PWWP3A: variants seen among roughly 807,000 people sequenced by gnomAD.
The protein encoded by PWWP3A is PWWP domain-containing DNA repair factor 3A.
Under a neutral mutation model 79.0 loss-of-function variants are expected in PWWP3A, and 53 were observed. The observed-to-expected ratio is 0.67, with a 90% CI of 0.54 to 0.84. The LOEUF (loss-of-function observed/expected upper bound fraction) is 0.84, where lower values mean the gene tolerates loss of function less well. Among genes scored for constraint, PWWP3A ranks in the 40% least tolerant of loss-of-function variants. The pLI, the probability that PWWP3A is intolerant of heterozygous loss-of-function variation, is 0.00. For missense variants in PWWP3A, 973 were observed against 948.0 expected (o/e 1.03, Z -0.35); for synonymous variants, 443 against 394.4 (o/e 1.12, Z -1.46).
intron 13 of PWWP3A, among the ~76,000 whole-genome samples, chr19:1,375,047 C>T (rs1224391089): frequency 6.6e-6 from 1 of 150,934 alleles, no homozygotes; most frequent in Non-Finnish European, 1.5e-5. Flanking sequence ...GGTGAAACCC[C>T]ATCTCTACTT....
At chr19:1,366,459 G>A in intron 8 of PWWP3A, 78 bp downstream of exon 8, 2 of 1,355,062 alleles carry the variant, frequency 1.5e-6, no homozygotes, top group Non-Finnish European at 1.1e-6. Flanking sequence ...GCGGGCGTGG[G>A]GATGGAGGGA....
chr19:1,360,983 G>A lies in PWWP3A; in HGVS notation c.1062G>A (p.Ala354=), dbSNP rs774358878. The part of the protein sequence containing the change: ...RLGPPPSHAS[A]DATRCLPCPD... ...GCCCGCCTCCCTCCCACGCCTCTGC[G>A]GATGCAACCAGATGTCTTCCTTGCC... The change falls in exon 5 of 14, where the codon GCG becomes GCA. Residue 354 remains alanine, a synonymous_variant. Coordinates refer to ENST00000591337, the MANE Select transcript of PWWP3A (RefSeq NM_001369789.1). This position sits in a 1 kb window ranked among gnomAD's most constrained non-coding sequence, Gnocchi z 4.4. The A allele has an allele frequency of 8.3e-6, 12 of 1,453,114 alleles. No homozygotes were observed. The highest frequency in any genetic ancestry group is 2.9e-5 in the Admixed American group (1 of 33,960). 90.0% of individuals were successfully genotyped at this position (1,453,114 alleles called of 1,614,324 possible).
rs949592662 is a variant in PWWP3A at position 1,357,274 on chromosome 19, A to G, written c.143+180A>G. The G allele has an allele frequency of 2.2e-5, 12 of 542,998 alleles. No individual in the cohort carries two copies. In the East Asian group the frequency reaches 3.7e-4, roughly 17 times the overall value. 33.6% of individuals were successfully genotyped at this position (542,998 alleles called of 1,614,324 possible). A position where few individuals can be genotyped will look rare whatever the true frequency, so the allele number is the denominator to read the frequency against. On this transcript the variant is annotated intron_variant, in intron 3 of 13. Coordinates refer to ENST00000591337, the MANE Select transcript of PWWP3A (RefSeq NM_001369789.1). ...AAAGCAACTAGTTTGATTTTATGTC[A>G]GTTTGGAAGCTGAAGATCCAAACGA...
At position 1,371,085 on chromosome 19, in the gene PWWP3A, C is replaced by G. The variant is rs568284618; in HGVS notation, c.1986+7C>G. 4.5e-6 allele frequency: 7 copies of G among 1,554,100 alleles called. No homozygotes were observed. Among genetic ancestry groups the G allele is most frequent in the Non-Finnish European group, 6.1e-6 (7 of 1,148,546 alleles). Reference sequence around the variant, plus strand: ...GGACGTGCTTCTGCCCGAGGTGAGCCGCGGACCGGCGTGTCACGTGGGCAG... The same window carrying G: ...GGACGTGCTTCTGCCCGAGGTGAGCGGCGGACCGGCGTGTCACGTGGGCAG... On this transcript the variant is annotated splice_region_variant and intron_variant, in intron 12 of 13. Transcript: ENST00000591337.
At chr19:1,366,224 A>G in intron 7 of PWWP3A, 81 bp from the exon 8 acceptor site, 1 of 1,407,472 alleles carries the variant, frequency 7.1e-7, no homozygotes, top group Non-Finnish European at 1.0e-6. Flanking sequence ...TGTTAGATGT[A>G]TCATGTGATG....
intron 9 of PWWP3A, among the ~76,000 whole-genome samples, chr19:1,367,949 G>A (rs1405791739): frequency 1.3e-5 from 2 of 151,996 alleles, no homozygotes; most frequent in African/African-American, 4.8e-5. Flanking sequence ...TTTTGAGACG[G>A]AGTCTCACTC....
At position 1,369,668 on chromosome 19, in the gene PWWP3A, G is replaced by A. The variant is rs1476354391; in HGVS notation, c.1549+22G>A. On this transcript the variant is annotated intron_variant, in intron 11 of 13. Transcript: ENST00000591337. The surrounding 1 kb of genome is among the most constrained non-coding windows in gnomAD (Gnocchi z 4.0). ...ATAAGTAAGTCTACAGGCACATCTT[G>A]GAAAATGTGGTTTGCCTTTTAGCCC... The A allele has an allele frequency of 1.1e-5, 17 of 1,613,770 alleles. No homozygotes were observed. Among genetic ancestry groups the A allele is most frequent in the Non-Finnish European group, 1.1e-5 (13 of 1,179,604 alleles).
intron 8 of PWWP3A, among the ~76,000 whole-genome samples, chr19:1,366,774 T>C (rs2082138022): frequency 6.6e-6 from 1 of 152,250 alleles, no homozygotes; most frequent in Non-Finnish European, 1.5e-5. Context: ...TCCTTAGTCA[T>C]GGGATGAAAG....
rs1407550146 is a variant in PWWP3A, at chr19:1,360,502, C to T, written c.581C>T (p.Ala194Val). ...CCAAGAGGCCCGTTGGTCCTCCCAGCTGGAGGTGGTGCCCAAGATGAGAGT... is the reference window on the plus strand; with the variant it reads ...CCAAGAGGCCCGTTGGTCCTCCCAGTTGGAGGTGGTGCCCAAGATGAGAGT... ...ENPRGPLVLP[A>V]GGGAQDESGS... The change falls in exon 5 of 14, where the codon GCT becomes GTT. Residue 194 changes from alanine (A) to valine (V), a missense_variant. Coordinates refer to ENST00000591337, the MANE Select transcript of PWWP3A (RefSeq NM_001369789.1). This position sits in a 1 kb window ranked among gnomAD's most constrained non-coding sequence, Gnocchi z 4.4. 7 of 1,614,226 alleles carry T rather than the reference C, an allele frequency of 4.3e-6. No homozygotes were observed. Among genetic ancestry groups the T allele is most frequent in the Non-Finnish European group, 5.9e-6 (7 of 1,180,036 alleles).
intron 5 of PWWP3A, 63 bp downstream of exon 5, chr19:1,361,095 C>T (rs2082005479): frequency 2.2e-6 from 3 of 1,349,526 alleles, no homozygotes; most frequent in Non-Finnish European, 2.9e-6. Context: ...CGCAGCCAGA[C>T]TGGGAGCCAG....
rs955025655 is a variant in PWWP3A at position 1,370,903 on chromosome 19, C to G, written c.1811C>G (p.Thr604Ser). Reference sequence around the variant, plus strand: ...AGGAAGCCATCTCGCTGGCTGCAGACCTTCCTGAGCTCCAGCCAGTACGTG... The same window carrying G: ...AGGAAGCCATCTCGCTGGCTGCAGAGCTTCCTGAGCTCCAGCCAGTACGTG... ...KSRKPSRWLQTFLSSSQYVTC... is the reference protein window; with the variant it reads ...KSRKPSRWLQSFLSSSQYVTC... The change falls in exon 12 of 14, where the codon ACC becomes AGC. Residue 604 changes from threonine (T) to serine (S), a missense_variant. By Grantham distance (58) the Thr-to-Ser change is moderately conservative. Coordinates refer to ENST00000591337, the MANE Select transcript of PWWP3A (RefSeq NM_001369789.1). 1.3e-6 allele frequency: 2 copies of G among 1,555,418 alleles called. No individual in the cohort carries two copies. Among genetic ancestry groups the G allele is most frequent in the East Asian group, 2.4e-5 (1 of 41,396 alleles).
rs1409991493 is a variant in PWWP3A, at chr19:1,378,175, A to C, written c.*1599A>C. The C allele has an allele frequency of 6.6e-6, 1 of 151,890 alleles. No homozygotes were observed. Among genetic ancestry groups the C allele is most frequent in the South Asian group, 2.1e-4 (1 of 4,808 alleles). The allele number at this position is 151,890 out of a possible 1,614,324, so 9.4% of individuals were successfully genotyped here. ...CCCCCTGCTGGTCGCTGTTTCGGGG[A>C]CTCGGGGCGGCCAGTACCACCGCCT... On this transcript the variant is annotated 3_prime_UTR_variant, in exon 14 of 14. Transcript: ENST00000591337.
At chr19:1,366,190 ACCCCC>A in intron 7 of PWWP3A, 110 bp from the exon 8 acceptor site, 1 of 170,232 alleles carries the variant, frequency 5.9e-6, no homozygotes, top group Non-Finnish European at 9.4e-6. Flanking sequence ...CGCTGGGGTC[ACCCCC>A]AGAGCTGGGG....
In PWWP3A at chr19:1,368,588, C is replaced by G. The variant is rs372801356; in HGVS notation, c.1423-677C>G. ...AGTGGCCCTCGGCTCCAGAGTCTTC[C>G]CTGGGTCATTGTGTGATGGTCGTGG... On this transcript the variant is annotated intron_variant, in intron 9 of 13. Coordinates refer to ENST00000591337, the MANE Select transcript of PWWP3A (RefSeq NM_001369789.1). This position sits in a 1 kb window ranked among gnomAD's most constrained non-coding sequence, Gnocchi z 4.7. Among the ~76,000 whole-genome samples, 439 of 152,256 alleles carry G rather than the reference C, an allele frequency of 2.9e-3. 4 individuals carry two copies. The highest frequency in any genetic ancestry group is 0.01 in the African/African-American group (419 of 41,506).
At chr19:1,361,404 C>T (rs570887456) in intron 5 of PWWP3A, among the ~76,000 whole-genome samples, 2 of 152,202 alleles carry the variant, frequency 1.3e-5, no homozygotes, top group Admixed American at 6.5e-5. Flanking sequence ...TAACGCATTC[C>T]TATTAAATTG....
At position 1,369,021 on chromosome 19, in the gene PWWP3A, G is replaced by T; in HGVS notation, c.1423-244G>T. On this transcript the variant is annotated intron_variant, in intron 9 of 13. Transcript: ENST00000591337. The surrounding 1 kb of genome is among the most constrained non-coding windows in gnomAD (Gnocchi z 4.0). ...CGTTCAGATCAGCCCAAGCCATCGG[G>T]TCCCCGGTGCCCACCATTTGAGCAG... 1 of 480,034 alleles carries T rather than the reference G, an allele frequency of 2.1e-6. No homozygotes were observed. The highest frequency in any genetic ancestry group is 2.1e-5 in the South Asian group (1 of 48,310). 29.7% of individuals were successfully genotyped at this position (480,034 alleles called of 1,614,324 possible). A position where few individuals can be genotyped will look rare whatever the true frequency, so the allele number is the denominator to read the frequency against.
rs759651848 is a variant in PWWP3A at position 1,371,096 on chromosome 19, G to A, written c.1986+18G>A. On this transcript the variant is annotated intron_variant, in intron 12 of 13. Transcript: ENST00000591337. Reference sequence around the variant, plus strand: ...TGCCCGAGGTGAGCCGCGGACCGGCGTGTCACGTGGGCAGGGAGGGGCCTG... The same window carrying A: ...TGCCCGAGGTGAGCCGCGGACCGGCATGTCACGTGGGCAGGGAGGGGCCTG... 29 of 1,551,350 alleles carry A rather than the reference G, an allele frequency of 1.9e-5. No individual in the cohort carries two copies. The highest frequency in any genetic ancestry group is 1.1e-4 in the African/African-American group (8 of 73,224).
rs2081973723 is a variant in PWWP3A, at chr19:1,360,010, C to T, written c.215-126C>T. On this transcript the variant is annotated intron_variant, in intron 4 of 13. Coordinates refer to ENST00000591337, the MANE Select transcript of PWWP3A (RefSeq NM_001369789.1). The surrounding 1 kb of genome is among the most constrained non-coding windows in gnomAD (Gnocchi z 4.4). ...AATGTAGGTGAGAAATGTTAGTCCT[C>T]CCCTTCAGTGATTTAGGTATGAAAC... The T allele has an allele frequency of 1.1e-6, 1 of 915,828 alleles. No homozygotes were observed. The highest frequency in any genetic ancestry group is 2.4e-5 in the South Asian group (1 of 41,786). The allele number at this position is 915,828 out of a possible 1,614,324, so 56.7% of individuals were successfully genotyped here. A position where few individuals can be genotyped will look rare whatever the true frequency, so the allele number is the denominator to read the frequency against.
chr19:1,367,557 G>A (rs1447512109), intron 9 of PWWP3A, among the ~76,000 whole-genome samples: 2 of 152,230 alleles, frequency 1.3e-5, no homozygotes, highest in African/African-American at 4.8e-5. Flanking sequence ...CTGGCCGACT[G>A]TCTCAGTCCA....
Sources: gnomAD v4.1 joint callset for allele counts (sites outside exome capture counted in the v4.1 genomes callset) on GRCh38, gnomAD v4.1.1 for gene constraint, Gnocchi (gnomAD v3.1) non-coding constraint, MANE v1.5 for transcripts, NCBI Gene and HGNC (gene_info 2026-07-23, HGNC 2026-07-21) for gene names.